The following KIAA0319L variants were observed in gnomAD, a reference collection of about 807,000 sequenced individuals.
KIAA0319L encodes KIAA0319 like.
KIAA0319L carries 55 observed loss-of-function variants against 120.1 expected under a neutral mutation model. That is an observed-to-expected ratio of 0.46 (90% CI 0.37 to 0.57). The LOEUF is 0.57. Ranked by LOEUF, KIAA0319L falls within the 20% of genes least tolerant of loss-of-function variation. The pLI, the probability that KIAA0319L is intolerant of heterozygous loss-of-function variation, is 0.00. For synonymous variants in KIAA0319L, 398 were observed against 471.9 expected (o/e 0.84, Z 2.03); for missense variants, 1,049 against 1,255.3 (o/e 0.84, Z 2.48).
intron 2 of KIAA0319L, among the ~76,000 whole-genome samples, chr1:35,521,735 G>A (rs1227436935): frequency 6.6e-6 from 1 of 151,958 alleles, no homozygotes; most frequent in Non-Finnish European, 1.5e-5. Flanking sequence ...CACTTTGGGA[G>A]GCCAAGGTGG....
intron 6 of KIAA0319L, among the ~76,000 whole-genome samples, chr1:35,468,993 A>C (rs1643449940): frequency 6.6e-6 from 1 of 152,226 alleles, no homozygotes; most frequent in Non-Finnish European, 1.5e-5. Flanking sequence ...AATAATCGGC[A>C]CTGGGTATGG....
At chr1:35,528,692 A>T (rs1286984188) in intron 2 of KIAA0319L, among the ~76,000 whole-genome samples, 1 of 152,082 alleles carries the variant, frequency 6.6e-6, no homozygotes, top group African/African-American at 2.4e-5. Flanking sequence ...TAATCTGTCT[A>T]TTGTTGAGAG....
intron 13 of KIAA0319L, among the ~76,000 whole-genome samples, chr1:35,451,384 A>G (rs1642051008): frequency 6.6e-6 from 1 of 152,200 alleles, no homozygotes; most frequent in Admixed American, 6.5e-5. Context: ...GGGAGGACTG[A>G]AAAGAAAGTA....
chr1:35,446,809 G>A (rs995959309), intron 16 of KIAA0319L, among the ~76,000 whole-genome samples: 3 of 152,072 alleles, frequency 2.0e-5, no homozygotes, highest in Non-Finnish European at 4.4e-5. Flanking sequence ...AGACTCACCC[G>A]TTCTCATGGC....
intron 3 of KIAA0319L, among the ~76,000 whole-genome samples, chr1:35,494,314 T>A (rs1208416177): frequency 6.6e-6 from 1 of 150,874 alleles, no homozygotes; most frequent in Non-Finnish European, 1.5e-5. Flanking sequence ...CCGGGCATGG[T>A]GGTGGGCGCC....
chr1:35,460,571 A>AG (rs1488970003), intron 8 of KIAA0319L, 134 bp from the exon 9 acceptor site: 1 of 746,756 alleles, frequency 1.3e-6, no homozygotes, highest in Non-Finnish European at 2.2e-6. Context: ...CTATCTCTCC[A>AG]GAATGTTTCT....
At chr1:35,529,571 C>T (rs1646282808) in intron 2 of KIAA0319L, among the ~76,000 whole-genome samples, 1 of 152,184 alleles carries the variant, frequency 6.6e-6, no homozygotes. Flanking sequence ...GATAACTTCA[C>T]TAGGTACAGT....
At chr1:35,476,997 C>T (rs1278582652) in intron 4 of KIAA0319L, among the ~76,000 whole-genome samples, 1 of 152,090 alleles carries the variant, frequency 6.6e-6, no homozygotes, top group African/African-American at 2.4e-5. Context: ...AATAAAGATG[C>T]TTCTCCAGGA....
At chr1:35,471,784 T>C (rs1373791881) in intron 5 of KIAA0319L, among the ~76,000 whole-genome samples, 1 of 152,206 alleles carries the variant, frequency 6.6e-6, no homozygotes, top group Non-Finnish European at 1.5e-5. Context: ...CAGAGAGTGG[T>C]CATCTTTTTC....
intron 3 of KIAA0319L, among the ~76,000 whole-genome samples, chr1:35,498,320 C>T (rs1041578968): frequency 6.0e-5 from 9 of 149,302 alleles, no homozygotes; most frequent in African/African-American, 7.4e-5. Flanking sequence ...GAAATAAGTG[C>T]GAAACTCCCA....
intron 3 of KIAA0319L, among the ~76,000 whole-genome samples, chr1:35,503,492 T>C (rs998235881): frequency 1.3e-5 from 2 of 152,230 alleles, no homozygotes; most frequent in African/African-American, 2.4e-5. Context: ...ATCTTTTTTA[T>C]TTCCATCTCT....
At chr1:35,551,067 A>T (rs1644478804) in intron 2 of KIAA0319L, among the ~76,000 whole-genome samples, 1 of 152,206 alleles carries the variant, frequency 6.6e-6, no homozygotes, top group African/African-American at 2.4e-5. Context: ...AAGTCGAAAA[A>T]TATGAATTTT....
In KIAA0319L at chr1:35,448,161, T is replaced by C. The variant is rs1012216372; in HGVS notation, c.2513+12A>G. ...GTCTTTCCTTTGCTCCCCCCATTCA[T>C]TGCCCAGCTACCTCTGCTCCGTGTA... is the stretch of plus-strand genomic sequence containing the variant. On this transcript the variant is annotated intron_variant, in intron 16 of 20. Coordinates refer to ENST00000325722, the MANE Select transcript of KIAA0319L (RefSeq NM_024874.5). 3 of 1,573,432 alleles carry C rather than the reference T, an allele frequency of 1.9e-6. No individual in the cohort carries two copies. The highest frequency in any genetic ancestry group is 2.6e-6 in the Non-Finnish European group (3 of 1,157,380).
At chr1:35,462,808 C>T in intron 7 of KIAA0319L, 95 bp from the exon 8 acceptor site, 1 of 991,810 alleles carries the variant, frequency 1.0e-6, no homozygotes, top group Admixed American at 2.0e-5. Flanking sequence ...ATTTCCATTA[C>T]ATCAGTGGTC....
At chr1:35,456,357 T>A in intron 9 of KIAA0319L, 116 bp from the exon 10 acceptor site, 1 of 641,912 alleles carries the variant, frequency 1.6e-6, no homozygotes, top group Non-Finnish European at 2.6e-6. Context: ...TACCTATTCT[T>A]ACCCACTTCT....
intron 19 of KIAA0319L, among the ~76,000 whole-genome samples, chr1:35,441,495 G>A (rs1471259923): frequency 6.6e-6 from 1 of 152,028 alleles, no homozygotes; most frequent in African/African-American, 2.4e-5. Flanking sequence ...GTCTTAGACT[G>A]GTGGGAATTT....
intron 2 of KIAA0319L, among the ~76,000 whole-genome samples, chr1:35,537,255 T>C (rs535489520): frequency 2.2e-4 from 34 of 152,294 alleles, no homozygotes; most frequent in African/African-American, 7.0e-4. Flanking sequence ...CCATTTCTCA[T>C]TGCAGTTATT....
At chr1:35,494,123 C>A (rs1213801341) in intron 3 of KIAA0319L, among the ~76,000 whole-genome samples, 1 of 152,040 alleles carries the variant, frequency 6.6e-6, no homozygotes, top group Non-Finnish European at 1.5e-5. Context: ...CAATTTTGAT[C>A]AAGAACAAAG....
intron 3 of KIAA0319L, among the ~76,000 whole-genome samples, chr1:35,494,928 T>C (rs1644743580): frequency 6.6e-6 from 1 of 152,100 alleles, no homozygotes; most frequent in Non-Finnish European, 1.5e-5. Context: ...TAACTGATTT[T>C]CAACAAAGGT....
Sources: allele counts gnomAD v4.1 joint callset (sites outside exome capture counted in the v4.1 genomes callset), GRCh38; gene constraint gnomAD v4.1.1; transcripts MANE v1.5; gene names NCBI Gene and HGNC (gene_info 2026-07-23, HGNC 2026-07-21).